The following SLC39A11 variants were observed in gnomAD, a reference collection of about 807,000 sequenced individuals.
SLC39A11 encodes the protein zinc transporter ZIP11.
A neutral mutation model predicts 36.1 loss-of-function variants in SLC39A11; 33 were observed. The observed-to-expected ratio is 0.91, with a 90% CI of 0.69 to 1.22. SLC39A11 has a LOEUF of 1.22. Among genes scored for constraint, SLC39A11 ranks in the 50% most tolerant of loss-of-function variants. The pLI is 0.00. For synonymous variants in SLC39A11, 166 were observed against 170.3 expected (o/e 0.97, Z 0.20); for missense variants, 432 against 430.3 (o/e 1.00, Z -0.03).
intron 5 of SLC39A11, among the ~76,000 whole-genome samples, chr17:72,897,075 A>AAAAAC (rs1309896435): frequency 1.4e-5 from 2 of 147,258 alleles, no homozygotes; most frequent in African/African-American, 5.1e-5. Flanking sequence ...AAAAAAACAA[A>AAAAAC]CAGAAAAACA....
At chr17:73,019,701 C>A (rs984967389) in intron 4 of SLC39A11, among the ~76,000 whole-genome samples, 10 of 151,818 alleles carry the variant, frequency 6.6e-5, no homozygotes, top group Non-Finnish European at 7.4e-5. Flanking sequence ...AAAGCAGGTA[C>A]CAAAGAGCAA....
At chr17:72,906,793 G>A (rs1443978838) in intron 5 of SLC39A11, among the ~76,000 whole-genome samples, 1 of 152,192 alleles carries the variant, frequency 6.6e-6, no homozygotes, top group African/African-American at 2.4e-5. Flanking sequence ...AAACTTCATA[G>A]ATCACTATGA....
chr17:72,656,108 G>A (rs2070106773), intron 7 of SLC39A11, among the ~76,000 whole-genome samples: 1 of 152,190 alleles, frequency 6.6e-6, no homozygotes, highest in African/African-American at 2.4e-5. Context: ...TCTGGGAAGG[G>A]AAAGGTCAGA....
chr17:73,028,563 A>G (rs903104), intron 4 of SLC39A11, among the ~76,000 whole-genome samples: 107,371 of 151,974 alleles, frequency 0.71, 41,306 homozygotes, highest in Non-Finnish European at 0.86. Flanking sequence ...CCCCTCTCAC[A>G]TCGACAGCAA....
At chr17:73,089,349 A>G (rs2144925121) in intron 1 of SLC39A11, among the ~76,000 whole-genome samples, 1 of 152,254 alleles carries the variant, frequency 6.6e-6, no homozygotes, top group East Asian at 1.9e-4. Flanking sequence ...CTGCACGAGC[A>G]CCCAACTCCA....
intron 6 of SLC39A11, among the ~76,000 whole-genome samples, chr17:72,786,498 C>T (rs1478435505): frequency 6.6e-6 from 1 of 152,106 alleles, no homozygotes; most frequent in Non-Finnish European, 1.5e-5. Flanking sequence ...GTCCTAGATA[C>T]CAAAATAAAC....
chr17:73,072,418 A>G (rs2060190109), intron 3 of SLC39A11: 1 of 152,228 alleles, frequency 6.6e-6, no homozygotes, highest in Non-Finnish European at 1.5e-5. Flanking sequence ...CAGATGCTCA[A>G]CAGAGCAACA....
At chr17:72,663,802 T>C (rs1598272085) in intron 7 of SLC39A11, 1 of 152,216 alleles carries the variant, frequency 6.6e-6, no homozygotes, top group African/African-American at 2.4e-5. Flanking sequence ...AGCCTCTCCA[T>C]CTGCAGCAAA....
At chr17:72,800,246 T>C (rs2077038195) in intron 6 of SLC39A11, among the ~76,000 whole-genome samples, 1 of 148,970 alleles carries the variant, frequency 6.7e-6, no homozygotes, top group Non-Finnish European at 1.5e-5. Flanking sequence ...GCTCCAGAAA[T>C]GCAAAGAAGG....
At chr17:72,693,862 C>A (rs977100459) in intron 7 of SLC39A11, among the ~76,000 whole-genome samples, 2 of 152,214 alleles carry the variant, frequency 1.3e-5, no homozygotes, top group African/African-American at 4.8e-5. Flanking sequence ...CGGGGTTTCA[C>A]TATGTTGGCC....
chr17:72,749,118 C>T lies in SLC39A11; in HGVS notation c.602-12399G>A, dbSNP rs548619891. ...GTTCTGACTCAGTGGGGGAACCTGC[C>T]GTCAGAAGAGCTGCCATCTTGGAAG... is the stretch of plus-strand genomic sequence containing the variant. On this transcript the variant is annotated intron_variant, in intron 6 of 9. Coordinates refer to ENST00000255559, the MANE Select transcript of SLC39A11 (RefSeq NM_139177.4). Among the ~76,000 whole-genome samples the T allele has an allele frequency of 3.3e-5, 5 of 152,260 alleles. No homozygotes were observed. In the South Asian group the frequency reaches 1.0e-3, roughly 32 times the overall value.
intron 6 of SLC39A11, among the ~76,000 whole-genome samples, chr17:72,738,007 T>C (rs2074507348): frequency 6.6e-6 from 1 of 152,078 alleles, no homozygotes; most frequent in South Asian, 2.1e-4. Flanking sequence ...TATTTTTATA[T>C]TTTTATGTTT....
At chr17:72,874,729 G>C (rs983683971) in intron 5 of SLC39A11, among the ~76,000 whole-genome samples, 3 of 152,198 alleles carry the variant, frequency 2.0e-5, no homozygotes, top group African/African-American at 4.8e-5. Context: ...TTGATGGAGA[G>C]GAGGAAGTGG....
chr17:73,083,339 A>T (rs920788278), intron 3 of SLC39A11, among the ~76,000 whole-genome samples: 1 of 152,206 alleles, frequency 6.6e-6, no homozygotes, highest in South Asian at 2.1e-4. Context: ...CTCAGAAAGG[A>T]CAGTGTTTTT....
intron 4 of SLC39A11, among the ~76,000 whole-genome samples, chr17:73,030,018 T>C (rs2058688862): frequency 6.6e-6 from 1 of 152,104 alleles, no homozygotes; most frequent in Non-Finnish European, 1.5e-5. Flanking sequence ...GGGTTGGGGA[T>C]GAAACTGTTC....
At chr17:72,772,333 A>G (rs949947688) in intron 6 of SLC39A11, among the ~76,000 whole-genome samples, 1 of 152,182 alleles carries the variant, frequency 6.6e-6, no homozygotes, top group African/African-American at 2.4e-5. Flanking sequence ...AGTGACTCCA[A>G]GTTTAGCACA....
At chr17:72,728,823 C>T (rs1021148290) in intron 7 of SLC39A11, among the ~76,000 whole-genome samples, 2 of 152,168 alleles carry the variant, frequency 1.3e-5, no homozygotes, top group African/African-American at 2.4e-5. Flanking sequence ...TCTCAGTTCA[C>T]TCCACGGCAC....
rs202024405 is a variant in SLC39A11 at position 73,031,672 on chromosome 17, C to T, written c.190G>A (p.Val64Ile). ...ASYWSLLAPA[V>I]EMATSSGGFG... is the part of the protein sequence containing the mutation. ...CCCCCAGAGGACGTGGCCATCTCAA[C>T]TGCTGGGGCCAGAAGAGACCAATAG... Residue 64 changes from valine (V) to isoleucine (I), a missense_variant, in exon 4 of 10, where the codon GTT becomes ATT. By Grantham distance (29) the Val-to-Ile change is conservative. Coordinates refer to ENST00000255559, the MANE Select transcript of SLC39A11 (RefSeq NM_139177.4). 2 of 1,613,990 alleles carry T rather than the reference C, an allele frequency of 1.2e-6. No individual in the cohort carries two copies. Among genetic ancestry groups the T allele is most frequent in the Admixed American group, 1.7e-5 (1 of 60,002 alleles).
In SLC39A11 at chr17:72,774,446, T is replaced by C. The variant is rs180920318; in HGVS notation, c.602-37727A>G. ...AAGCAACCAAATAACAGGTCTTCAG[T>C]TACAAACCCGCGCTTCATTTTACAA... On this transcript the variant is annotated intron_variant, in intron 6 of 9. Coordinates refer to ENST00000255559, the MANE Select transcript of SLC39A11 (RefSeq NM_139177.4). Among the ~76,000 whole-genome samples the C allele has an allele frequency of 2.0e-5, 3 of 152,304 alleles. No individual in the cohort carries two copies. In the East Asian group the frequency reaches 5.8e-4, roughly 29 times the overall value.
Sources: allele counts gnomAD v4.1 joint callset (sites outside exome capture counted in the v4.1 genomes callset), GRCh38; gene constraint gnomAD v4.1.1; transcripts MANE v1.5; gene names NCBI Gene and HGNC (gene_info 2026-07-23, HGNC 2026-07-21).